Variants in DUSP16 observed in about 807,000 individuals in gnomAD.
DUSP16 encodes dual specificity protein phosphatase 16.
Under a neutral mutation model 58.3 loss-of-function variants are expected in DUSP16, and 21 were observed. The observed-to-expected ratio is 0.36, with a 90% confidence interval of 0.26 to 0.52. The LOEUF (loss-of-function observed/expected upper bound fraction) is 0.52. Ranked by LOEUF, DUSP16 falls within the 20% of genes least tolerant of loss-of-function variation. The pLI, the probability that DUSP16 is intolerant of heterozygous loss-of-function variation, is 0.94. For synonymous variants in DUSP16, 320 were observed against 323.8 expected (o/e 0.99, Z 0.12); for missense variants, 726 against 819.0 (o/e 0.89, Z 1.39).
chr12:12,549,289 C>CTAT (rs1201316094), intron 1 of DUSP16, among the ~76,000 whole-genome samples: 1 of 151,842 alleles, frequency 6.6e-6, no homozygotes, highest in Admixed American at 6.6e-5. Context: ...GGCAGACTAT[C>CTAT]TAGTATAGTT....
chr12:12,500,911 T>G (rs1019913960), intron 3 of DUSP16, among the ~76,000 whole-genome samples: 2 of 152,168 alleles, frequency 1.3e-5, no homozygotes, highest in African/African-American at 2.4e-5. Context: ...TTATAATGAA[T>G]GACTCCTCTC....
chr12:12,514,446 G>C (rs1944119210), intron 3 of DUSP16, among the ~76,000 whole-genome samples: 1 of 152,148 alleles, frequency 6.6e-6, no homozygotes, highest in African/African-American at 2.4e-5. Flanking sequence ...TCTTCCTCCT[G>C]CTCTTTTCTG....
At chr12:12,549,308 C>T (rs373767438) in intron 1 of DUSP16, among the ~76,000 whole-genome samples, 1 of 151,870 alleles carries the variant, frequency 6.6e-6, no homozygotes, top group Non-Finnish European at 1.5e-5. Flanking sequence ...TTATTTTAAC[C>T]GTGTTTTGAT....
chr12:12,551,904 G>A (rs1024314647), intron 1 of DUSP16, among the ~76,000 whole-genome samples: 3 of 152,030 alleles, frequency 2.0e-5, no homozygotes, highest in African/African-American at 7.2e-5. Context: ...ATGTTGGCCA[G>A]GCTGGTCTTG....
chr12:12,493,188 C>A, intron 4 of DUSP16, among the ~76,000 whole-genome samples: 1 of 152,136 alleles, frequency 6.6e-6, no homozygotes, highest in Admixed American at 6.5e-5. Context: ...TCGAACTCAG[C>A]GTGTCCAGAA....
chr12:12,524,433 G>A (rs1944274940), intron 1 of DUSP16, among the ~76,000 whole-genome samples: 1 of 152,232 alleles, frequency 6.6e-6, no homozygotes, highest in African/African-American at 2.4e-5. Flanking sequence ...AAGGGATCAT[G>A]GAGGGTAAAG....
intron 1 of DUSP16, among the ~76,000 whole-genome samples, chr12:12,535,756 C>A (rs1444192466): frequency 1.3e-5 from 2 of 152,090 alleles, no homozygotes; most frequent in Non-Finnish European, 2.9e-5. Flanking sequence ...AGAAAGGCTT[C>A]CTGAAAAATG....
chr12:12,491,500 TCA>T (rs1565987595), intron 4 of DUSP16: 1 of 152,234 alleles, frequency 6.6e-6, no homozygotes, highest in Admixed American at 6.5e-5. Flanking sequence ...TATAATTCAT[TCA>T]GTTTAGTTTC....
chr12:12,482,258 C>T (rs1943583653), intron 5 of DUSP16, among the ~76,000 whole-genome samples: 1 of 151,978 alleles, frequency 6.6e-6, no homozygotes. Context: ...CTGGCTGATA[C>T]ATATTTTCAA....
At chr12:12,510,487 G>C (rs1307420807) in intron 3 of DUSP16, among the ~76,000 whole-genome samples, 1 of 152,170 alleles carries the variant, frequency 6.6e-6, no homozygotes, top group East Asian at 1.9e-4. Context: ...TCCACTCTGT[G>C]TACAGTCCTC....
chr12:12,504,105 T>TC (rs2136216329), intron 3 of DUSP16, among the ~76,000 whole-genome samples: 1 of 152,358 alleles, frequency 6.6e-6, no homozygotes, highest in East Asian at 1.9e-4. Context: ...GTGAGTTTTT[T>TC]CCCCAAGGTA....
At chr12:12,485,313 T>C (rs1943661056) in intron 5 of DUSP16, 1 of 152,118 alleles carries the variant, frequency 6.6e-6, no homozygotes, top group Non-Finnish European at 1.5e-5. Context: ...GGCCATTTGT[T>C]TGTGATTACT....
At chr12:12,480,046 T>G (rs1235614959) in intron 6 of DUSP16, among the ~76,000 whole-genome samples, 177 bp downstream of exon 6, 1 of 152,224 alleles carries the variant, frequency 6.6e-6, no homozygotes, top group Non-Finnish European at 1.5e-5. Flanking sequence ...TAATGCTAAA[T>G]AGTAAAACAG....
Position 12,505,995 on chromosome 12 carries a change from T to A in DUSP16, c.368-5313A>T, listed in dbSNP as rs1329071797. Reference sequence around the variant, plus strand: ...CCAGTCACTTCCAGAAAACCCTACCTCAGCCAGAGCACATTTTCACTGATC... The same window carrying A: ...CCAGTCACTTCCAGAAAACCCTACCACAGCCAGAGCACATTTTCACTGATC... On this transcript the variant is annotated intron_variant, in intron 3 of 6. Transcript: ENST00000298573. 2.0e-5 allele frequency: 3 copies of A among 152,182 alleles called. No individual in the cohort carries two copies. The East Asian group carries it at 5.8e-4, about 29-fold the overall frequency. 9.4% of individuals were successfully genotyped at this position (152,182 alleles called of 1,614,324 possible).
At chr12:12,480,910 G>A (rs922692902) in intron 5 of DUSP16, among the ~76,000 whole-genome samples, 3 of 151,972 alleles carry the variant, frequency 2.0e-5, no homozygotes, top group African/African-American at 7.2e-5. Flanking sequence ...GTGGAGTTGC[G>A]GTTTCACCAT....
rs559880082 is a variant in DUSP16 at position 12,488,905 on chromosome 12, C to T, written c.532-1718G>A. On this transcript the variant is annotated intron_variant, in intron 4 of 6. Coordinates refer to ENST00000298573, the MANE Select transcript of DUSP16 (RefSeq NM_030640.3). ...AACCAGCCTGACCAACATGGAGAAA[C>T]CCCAACTCTACTAAAACTACAAAAT... is the stretch of plus-strand genomic sequence containing the variant. 8.7e-4 allele frequency among the ~76,000 whole-genome samples: 132 copies of T among 152,248 alleles called. No homozygotes were observed. The Middle Eastern group carries it at 0.017, about 20-fold the overall frequency.
chr12:12,478,138 G>GT, intron 6 of DUSP16, 123 bp from the exon 7 acceptor site: 1 of 914,912 alleles, frequency 1.1e-6, no homozygotes, highest in South Asian at 1.7e-5. Context: ...AAGATGATTG[G>GT]TTTACAAGTT....
intron 3 of DUSP16, among the ~76,000 whole-genome samples, chr12:12,501,943 T>C (rs1943916624): frequency 6.6e-6 from 1 of 152,082 alleles, no homozygotes; most frequent in African/African-American, 2.4e-5. Flanking sequence ...TGAGCCGAGA[T>C]TGCGCCACTG....
intron 1 of DUSP16, among the ~76,000 whole-genome samples, chr12:12,544,612 TG>T (rs1326954867): frequency 6.6e-6 from 1 of 150,542 alleles, no homozygotes; most frequent in Non-Finnish European, 1.5e-5. Flanking sequence ...ACACCCATGC[TG>T]ATACTGGTAT....
Sources: gnomAD v4.1 joint callset for allele counts (sites outside exome capture counted in the v4.1 genomes callset) on GRCh38, gnomAD v4.1.1 for gene constraint, MANE v1.5 for transcripts, NCBI Gene and HGNC (gene_info 2026-07-23, HGNC 2026-07-21) for gene names.